Variants in ADAM8 observed in about 807,000 individuals in gnomAD.
ADAM8 encodes the protein ADAM metallopeptidase domain 8, also known as disintegrin and metalloproteinase domain-containing protein 8.
In ADAM8, 104 loss-of-function variants were observed where a neutral mutation model predicts 102.4. The ratio of observed to expected loss-of-function variants is 1.02; its 90% CI spans 0.87 to 1.20. The LOEUF is 1.20. ADAM8 is among the 50% of genes most tolerant of loss of function. The pLI, the probability that ADAM8 is intolerant of heterozygous loss-of-function variation, is 0.00. For missense variants in ADAM8, 1,132 were observed against 1,159.0 expected (o/e 0.98, Z 0.34); for synonymous variants, 517 against 485.2 (o/e 1.07, Z -0.86).
At position 133,267,397 on chromosome 10, in the gene ADAM8, G is replaced by T. The variant is rs777479740; in HGVS notation, c.2274C>A (p.Ser758Arg). The T allele has an allele frequency of 1.9e-6, 3 of 1,610,200 alleles. No individual in the cohort carries two copies. In the African/African-American group the frequency reaches 4.0e-5, roughly 21 times the overall value. ...TGTAGACAGGAACTGGGAAGGGTGGGCTGGACACAGTGACCGGAGGCTGGA... is the reference window on the plus strand; with the variant it reads ...TGTAGACAGGAACTGGGAAGGGTGGTCTGGACACAGTGACCGGAGGCTGGA... Reference protein sequence around the residue: ...PPPAPPVTVSSPPFPVPVYTR... With the variant: ...PPPAPPVTVSRPPFPVPVYTR... The change falls in exon 21 of 23, where the codon AGC becomes AGA. Residue 758 changes from serine to arginine, a missense_variant. Ser to Arg is a moderately radical substitution (Grantham distance 110). Coordinates refer to ENST00000445355, the MANE Select transcript of ADAM8 (RefSeq NM_001109.5).
chr10:133,274,132 AG>A (rs755216930), intron 3 of ADAM8, 26 bp downstream of exon 3: 2 of 1,582,722 alleles, frequency 1.3e-6, no homozygotes, highest in Non-Finnish European at 8.6e-7. Context: ...AGGCCCGGGC[AG>A]GGGGGCCGAC....
In ADAM8 at chr10:133,271,761, C is replaced by A. The variant is rs201876673; in HGVS notation, c.1106+45G>T. ...GGCCTGGCCCCTTCCCCACCCACCT[C>A]GTACCTCCAGCATACCCTGGCTCTG... On this transcript the variant is annotated intron_variant, in intron 11 of 22. Coordinates refer to ENST00000445355, the MANE Select transcript of ADAM8 (RefSeq NM_001109.5). 8.7e-6 allele frequency: 14 copies of A among 1,600,250 alleles called. No homozygotes were observed. In the African/African-American group the frequency reaches 1.6e-4, roughly 18 times the overall value.
At chr10:133,265,200 C>A (rs1846288150) in intron 21 of ADAM8, among the ~76,000 whole-genome samples, 1 of 144,146 alleles carries the variant, frequency 6.9e-6, no homozygotes, top group African/African-American at 2.6e-5. Context: ...CCTGCTGCAG[C>A]CTCTGCCCCA....
chr10:133,270,984 C>T lies in ADAM8; in HGVS notation c.1461G>A (p.Pro487=), dbSNP rs149612742. 37 of 1,612,738 alleles carry T rather than the reference C, an allele frequency of 2.3e-5. No individual in the cohort carries two copies. The highest frequency in any genetic ancestry group is 5.3e-5 in the African/African-American group (4 of 74,946). Residue 487 remains proline (P), a synonymous_variant, in exon 14 of 23, where the codon CCG becomes CCA. Transcript: ENST00000445355. ...EFCDGRHPEC[P]EDAFQENGTP... is the part of the protein sequence containing the mutation. ...TGCCGTTCTCCTGGAAGGCGTCTTC[C>T]GGGCACTCAGGGTGCCGGCCGTCAC...
At position 133,268,728 on chromosome 10, in the gene ADAM8, A is replaced by C. The variant is rs547563270; in HGVS notation, c.2063+20T>G. ...CGGGAAGCACTCGCCACCCTCCGTC[A>C]CAGCCCCCACCACCCTCACCTGCTC... On this transcript the variant is annotated intron_variant, in intron 19 of 22. Coordinates refer to ENST00000445355, the MANE Select transcript of ADAM8 (RefSeq NM_001109.5). 1.2e-6 allele frequency: 2 copies of C among 1,603,094 alleles called. No homozygotes were observed. Among genetic ancestry groups the C allele is most frequent in the Non-Finnish European group, 1.7e-6 (2 of 1,177,106 alleles).
chr10:133,272,121 C>G, intron 10 of ADAM8, 72 bp downstream of exon 10: 2 of 1,517,538 alleles, frequency 1.3e-6, no homozygotes, highest in Non-Finnish European at 1.8e-6. Flanking sequence ...CTCCAGAGAC[C>G]TGGACCGAGG....
chr10:133,275,775 A>G, intron 1 of ADAM8, 188 bp from the exon 2 acceptor site: 1 of 520,316 alleles, frequency 1.9e-6, no homozygotes, highest in South Asian at 2.8e-5. Flanking sequence ...GCCCCCAGGC[A>G]TGGCCGGTGG....
intron 12 of ADAM8, 86 bp from the exon 13 acceptor site, chr10:133,271,375 G>A (rs1846519483): frequency 2.6e-6 from 4 of 1,510,008 alleles, no homozygotes; most frequent in Non-Finnish European, 3.6e-6. Context: ...CTGACCACTG[G>A]GGTGCCCTGC....
chr10:133,273,878 C>T, intron 4 of ADAM8, 40 bp from the exon 5 acceptor site: 1 of 1,551,920 alleles, frequency 6.4e-7, no homozygotes, highest in Non-Finnish European at 8.7e-7. Flanking sequence ...GGCTGTGCCC[C>T]CATGGCCCCA....
At chr10:133,272,360 ACCCTGCCCGCCCTCCCTC>A in intron 9 of ADAM8, 38 bp downstream of exon 9, 3 of 314,170 alleles carry the variant, frequency 9.5e-6, no homozygotes, top group Non-Finnish European at 1.3e-5. Context: ...CTTCCACCCC[ACCCTGCCCGCCCTCCCTC>A]CCCAGCCCTC....
chr10:133,269,575 AGGGGCCGTG>A lies in ADAM8; in HGVS notation c.1864-55_1864-47del, dbSNP rs757354658. The A allele has an allele frequency of 5.3e-6, 8 of 1,516,646 alleles. No homozygotes were observed. The East Asian group carries it at 9.3e-5, about 18-fold the overall frequency. The allele number at this position is 1,516,646 out of a possible 1,614,324, so 93.9% of individuals were successfully genotyped here. A position where few individuals can be genotyped will look rare whatever the true frequency, so the allele number is the denominator to read the frequency against. On this transcript the variant is annotated intron_variant, in intron 17 of 22. Coordinates refer to ENST00000445355, the MANE Select transcript of ADAM8 (RefSeq NM_001109.5). ...AGGGCCAACCCTGTTGTGGACCCCA[AGGGGCCGTG>A]GGGGCCGTGCCTCCAGCATGAGGGC... is the stretch of plus-strand genomic sequence containing the variant.
intron 5 of ADAM8, 123 bp downstream of exon 5, chr10:133,273,638 CA>C: frequency 7.6e-7 from 1 of 1,323,468 alleles, no homozygotes; most frequent in South Asian, 1.4e-5. Context: ...GACCCCCATG[CA>C]AGACAGCAAA....
At chr10:133,272,324 T>TG in intron 9 of ADAM8, 50 bp from the exon 10 acceptor site, 3 of 1,430,686 alleles carry the variant, frequency 2.1e-6, no homozygotes, top group Non-Finnish European at 2.8e-6. Context: ...CCTCCCCACT[T>TG]CCCTCCCACC....
chr10:133,271,761 C>G, intron 11 of ADAM8, 45 bp downstream of exon 11: 1 of 1,600,372 alleles, frequency 6.2e-7, no homozygotes, highest in East Asian at 2.2e-5. Flanking sequence ...CCACCCACCT[C>G]GTACCTCCAG....
At position 133,274,086 on chromosome 10, in the gene ADAM8, G is replaced by A. The variant is rs569897183; in HGVS notation, c.228-57C>T. The A allele has an allele frequency of 1.8e-4, 286 of 1,588,890 alleles. 4 individuals carry two copies. In the South Asian group the frequency reaches 3.1e-3, roughly 17 times the overall value. ...CCCTCGGTGCAGAGAGGCTGGCCCA[G>A]AGGCTGGACGCCGGGGACACCAGTG... On this transcript the variant is annotated intron_variant, in intron 3 of 22. Coordinates refer to ENST00000445355, the MANE Select transcript of ADAM8 (RefSeq NM_001109.5).
chr10:133,273,869 G>C (rs1846641647), intron 4 of ADAM8, 31 bp from the exon 5 acceptor site: 1 of 1,549,876 alleles, frequency 6.5e-7, no homozygotes, highest in Non-Finnish European at 8.7e-7. Flanking sequence ...GGGTCCACAG[G>C]CTGTGCCCCC....
In ADAM8 at chr10:133,272,742, C is replaced by CT. The variant is rs1846585630; in HGVS notation, c.705+55_705+56insA. 8 of 1,555,566 alleles carry CT rather than the reference C, an allele frequency of 5.1e-6. No individual in the cohort carries two copies. The South Asian group carries it at 5.9e-5, about 12-fold the overall frequency. On this transcript the variant is annotated intron_variant, in intron 8 of 22. Coordinates refer to ENST00000445355, the MANE Select transcript of ADAM8 (RefSeq NM_001109.5). ...GGTGGAATGAACCCTGTGGCAACAC[C>CT]CCCCCCACCTCCCGCCAGGGGCTCT...
chr10:133,272,127 C>A (rs1223490679), intron 10 of ADAM8, 66 bp downstream of exon 10: 2 of 1,516,392 alleles, frequency 1.3e-6, no homozygotes, highest in South Asian at 1.2e-5. Context: ...AGACCTGGAC[C>A]GAGGCGTCCC....
At chr10:133,264,814 C>T (rs58130570) in intron 21 of ADAM8, among the ~76,000 whole-genome samples, 89 of 123,628 alleles carry the variant, frequency 7.2e-4, no homozygotes, top group African/African-American at 9.4e-4. Flanking sequence ...CTCTGCCCCA[C>T]CTACCTCCAC....
Sources: allele counts gnomAD v4.1 joint callset (sites outside exome capture counted in the v4.1 genomes callset), GRCh38; gene constraint gnomAD v4.1.1; transcripts MANE v1.5; gene names NCBI Gene and HGNC (gene_info 2026-07-23, HGNC 2026-07-21).